LRMDA: variants seen among roughly 807,000 people sequenced by gnomAD.
LRMDA encodes leucine rich melanocyte differentiation associated, also known as leucine-rich melanocyte differentiation-associated protein.
A neutral mutation model predicts 29.8 loss-of-function variants in LRMDA; 18 were observed. The observed-to-expected ratio is 0.60, with a 90% confidence interval of 0.42 to 0.90. The LOEUF (loss-of-function observed/expected upper bound fraction) is 0.90. Among genes scored for constraint, LRMDA ranks in the 40% least tolerant of loss-of-function variants. The pLI, the probability that LRMDA is intolerant of heterozygous loss-of-function variation, is 0.00. For missense variants in LRMDA, 273 were observed against 273.9 expected, an observed-to-expected ratio of 1.00 and a Z score of 0.02; for synonymous variants, 125 against 109.4, an observed-to-expected ratio of 1.14 and a Z score of -0.89.
chr10:76,262,306 A>G (rs1839953954), intron 5 of LRMDA, among the ~76,000 whole-genome samples: 2 of 152,150 alleles, frequency 1.3e-5, no homozygotes, highest in African/African-American at 4.8e-5. Flanking sequence ...TGAAATCTTT[A>G]CCACCAGTGT....
chr10:75,665,492 A>G (rs563393798), intron 2 of LRMDA, among the ~76,000 whole-genome samples: 35 of 152,336 alleles, frequency 2.3e-4, no homozygotes, highest in African/African-American at 7.9e-4. Context: ...TGATAAGAAC[A>G]TGTGCACATG....
chr10:76,091,917 G>T (rs1046397855), intron 5 of LRMDA, among the ~76,000 whole-genome samples: 1 of 152,124 alleles, frequency 6.6e-6, no homozygotes, highest in African/African-American at 2.4e-5. Flanking sequence ...TGAACTCCTG[G>T]CCTCAAGGAT....
chr10:75,566,576 C>T (rs577951497), intron 2 of LRMDA, among the ~76,000 whole-genome samples: 2 of 152,250 alleles, frequency 1.3e-5, no homozygotes, highest in East Asian at 3.9e-4. Context: ...TTTGCCTTCT[C>T]CTTGACTACT....
chr10:76,314,714 C>T (rs1310799953), intron 5 of LRMDA, among the ~76,000 whole-genome samples: 1 of 152,050 alleles, frequency 6.6e-6, no homozygotes, highest in Non-Finnish European at 1.5e-5. Flanking sequence ...TAAATAATAC[C>T]TGTGTTTAAC....
chr10:76,544,217 A>G lies in LRMDA; in HGVS notation c.602-12992A>G, dbSNP rs145174026. On this transcript the variant is annotated intron_variant, in intron 6 of 6. Transcript: ENST00000611255. Reference sequence around the variant, plus strand: ...TGCCGAATGTGGCTTAGAGCTGGGCATCAAACTGTCGGAGCCAGATGTATT... The same window carrying G: ...TGCCGAATGTGGCTTAGAGCTGGGCGTCAAACTGTCGGAGCCAGATGTATT... Among the ~76,000 whole-genome samples, 60 of 152,322 alleles carry G rather than the reference A, an allele frequency of 3.9e-4. No individual in the cohort carries two copies. In the East Asian group the frequency reaches 0.01, roughly 26 times the overall value.
intron 2 of LRMDA, among the ~76,000 whole-genome samples, chr10:75,814,616 A>G (rs1220648643): frequency 6.6e-6 from 1 of 152,192 alleles, no homozygotes; most frequent in Non-Finnish European, 1.5e-5. Context: ...CTAAGACAGA[A>G]TACCAACCAA....
chr10:76,398,119 G>A (rs990690105), intron 6 of LRMDA, among the ~76,000 whole-genome samples: 5 of 152,136 alleles, frequency 3.3e-5, no homozygotes, highest in Non-Finnish European at 5.9e-5. Context: ...ACATCAAAAC[G>A]GAGACATTTA....
At chr10:76,238,457 T>A (rs1366023453) in intron 5 of LRMDA, among the ~76,000 whole-genome samples, 1 of 152,054 alleles carries the variant, frequency 6.6e-6, no homozygotes, top group Non-Finnish European at 1.5e-5. Context: ...GCCCTTACAT[T>A]GAAGGAATAA....
intron 5 of LRMDA, among the ~76,000 whole-genome samples, chr10:76,192,337 T>C (rs1386771369): frequency 1.3e-5 from 2 of 152,174 alleles, no homozygotes; most frequent in Non-Finnish European, 2.9e-5. Context: ...GTCCCAACTG[T>C]CCAGTTCTTT....
At chr10:75,520,494 C>T (rs1021193477) in intron 2 of LRMDA, among the ~76,000 whole-genome samples, 3 of 152,174 alleles carry the variant, frequency 2.0e-5, no homozygotes, top group African/African-American at 4.8e-5. Flanking sequence ...GTGCCTGCCT[C>T]GTGAAGTTCT....
At chr10:76,361,207 G>A (rs866540226) in intron 6 of LRMDA, among the ~76,000 whole-genome samples, 12 of 151,938 alleles carry the variant, frequency 7.9e-5, no homozygotes, top group Non-Finnish European at 1.3e-4. Context: ...GTTGCAGTGA[G>A]TCGAGATTGC....
chr10:75,722,076 C>A (rs1251096318), intron 2 of LRMDA, among the ~76,000 whole-genome samples: 1 of 152,082 alleles, frequency 6.6e-6, no homozygotes, highest in Non-Finnish European at 1.5e-5. Context: ...ACTTAAAATG[C>A]TGTCTGCTCA....
At chr10:76,038,324 TTTTC>T (rs1362156832) in intron 3 of LRMDA, among the ~76,000 whole-genome samples, 1 of 151,940 alleles carries the variant, frequency 6.6e-6, no homozygotes, top group Non-Finnish European at 1.5e-5. Context: ...TGCTGAGAGG[TTTTC>T]TTTGTCTTTG....
intron 2 of LRMDA, among the ~76,000 whole-genome samples, chr10:75,504,233 A>G (rs1845146846): frequency 6.6e-6 from 1 of 152,146 alleles, no homozygotes; most frequent in Non-Finnish European, 1.5e-5. Flanking sequence ...GGCGTAAGCA[A>G]TCCACCTGCC....
chr10:75,828,703 T>C (rs990614466), intron 2 of LRMDA, among the ~76,000 whole-genome samples: 4 of 152,186 alleles, frequency 2.6e-5, no homozygotes, highest in African/African-American at 9.7e-5. Context: ...GGAGAGCAAA[T>C]AAAGTGAAGA....
intron 2 of LRMDA, among the ~76,000 whole-genome samples, chr10:75,486,795 T>G (rs1013877854): frequency 6.6e-6 from 1 of 152,198 alleles, no homozygotes; most frequent in Non-Finnish European, 1.5e-5. Flanking sequence ...TTCAGTTGAC[T>G]CTGCATAAGC....
intron 6 of LRMDA, among the ~76,000 whole-genome samples, chr10:76,476,756 C>G (rs1347087212): frequency 6.6e-6 from 1 of 152,098 alleles, no homozygotes; most frequent in Non-Finnish European, 1.5e-5. Context: ...ATATGCAAAT[C>G]AATAAATGTA....
chr10:75,772,869 T>TGGGGGGGGGGGGGG (rs1554824987), intron 2 of LRMDA, among the ~76,000 whole-genome samples: 3 of 49,786 alleles, frequency 6.0e-5, no homozygotes, highest in African/African-American at 1.4e-4. Context: ...GGGGGTGGGA[T>TGGGGGGGGGGGGGG]GGGGGGGGGC....
At chr10:76,505,585 A>T (rs186597396) in intron 6 of LRMDA, among the ~76,000 whole-genome samples, 1 of 152,040 alleles carries the variant, frequency 6.6e-6, no homozygotes, top group Non-Finnish European at 1.5e-5. Context: ...TGAAATTCTC[A>T]TAGTGAATTT....
Sources: allele counts gnomAD v4.1 joint callset (sites outside exome capture counted in the v4.1 genomes callset), GRCh38; gene constraint gnomAD v4.1.1; transcripts MANE v1.5; gene names NCBI Gene and HGNC (gene_info 2026-07-23, HGNC 2026-07-21).